Variants in SPMIP10 observed in about 807,000 individuals in gnomAD.
SPMIP10 encodes sperm microtubule inner protein 10, also known as sperm-associated microtubule inner protein 10.
chr5:126,631,831 A>T, the SPMIP10 span: 5 of 1,574,910 alleles, frequency 3.2e-6, no homozygotes, highest in Non-Finnish European at 4.4e-6. Flanking sequence ...GTAAGGATTT[A>T]TGGGATTCTG....
chr5:126,633,243 C>T, the SPMIP10 span, among the ~76,000 whole-genome samples: 1 of 151,934 alleles, frequency 6.6e-6, no homozygotes, highest in African/African-American at 2.4e-5. Context: ...CACTACAAAG[C>T]ATATATTTTT....
chr5:126,632,286 A>AAAG, the SPMIP10 span, among the ~76,000 whole-genome samples: 1 of 135,326 alleles, frequency 7.4e-6, no homozygotes, highest in Non-Finnish European at 1.6e-5. Flanking sequence ...AAAAAAAAAA[A>AAAG]GTCAGATTAA....
the SPMIP10 span, chr5:126,632,733 A>C: frequency 1.2e-6 from 1 of 848,128 alleles, no homozygotes; most frequent in Non-Finnish European, 1.9e-6. Flanking sequence ...TGTGCCAATA[A>C]TCCTAGCACT....
chr5:126,636,009 CAGA>C, the SPMIP10 span: 2 of 1,568,972 alleles, frequency 1.3e-6, no homozygotes, highest in Non-Finnish European at 8.8e-7. Context: ...ATGTGATACA[CAGA>C]AGATTTTCTT....
chr5:126,632,601 C>T, the SPMIP10 span: 28 of 1,611,866 alleles, frequency 1.7e-5, no homozygotes, highest in Admixed American at 1.2e-4. Context: ...GATCCCAAGA[C>T]GTTATGTCAT....
At chr5:126,633,327 A>G in the SPMIP10 span, among the ~76,000 whole-genome samples, 4 of 151,990 alleles carry the variant, frequency 2.6e-5, no homozygotes, top group African/African-American at 7.2e-5. Context: ...TACCCATTCA[A>G]TGCTCCTGTT....
chr5:126,632,662 C>T, the SPMIP10 span: 2 of 1,488,036 alleles, frequency 1.3e-6, no homozygotes, highest in South Asian at 1.1e-5. Context: ...AAGGTATTTC[C>T]CCATAAGCAC....
the SPMIP10 span, among the ~76,000 whole-genome samples, chr5:126,632,021 G>GT: frequency 6.6e-6 from 1 of 152,000 alleles, no homozygotes; most frequent in Non-Finnish European, 1.5e-5. Flanking sequence ...TATAGTTTCT[G>GT]TTTTTTGTGG....
chr5:126,636,062 C>G, the SPMIP10 span: 1 of 1,613,906 alleles, frequency 6.2e-7, no homozygotes, highest in Non-Finnish European at 8.5e-7. Context: ...CCATACTGGC[C>G]CTTTAGAAGA....
the SPMIP10 span, among the ~76,000 whole-genome samples, chr5:126,633,008 CAT>C: frequency 5.8e-3 from 724 of 125,202 alleles, 10 homozygotes; most frequent in Middle Eastern, 0.012. Flanking sequence ...ATAAATTTTA[CAT>C]ATATATATAT....
chr5:126,632,681 A>T, the SPMIP10 span: 1 of 1,345,674 alleles, frequency 7.4e-7, no homozygotes, highest in Non-Finnish European at 1.1e-6. Flanking sequence ...ACACATAAGG[A>T]AAAAAAACAA....
the SPMIP10 span, among the ~76,000 whole-genome samples, chr5:126,634,296 A>C: frequency 6.6e-6 from 1 of 152,038 alleles, no homozygotes; most frequent in Non-Finnish European, 1.5e-5. Flanking sequence ...GCCGGGCATG[A>C]TGGCACATGC....
the SPMIP10 span, chr5:126,635,918 T>C: frequency 8.0e-5 from 70 of 874,764 alleles, no homozygotes; most frequent in Non-Finnish European, 1.2e-4. Context: ...TGTCTTGGCC[T>C]CCCAAATTGC....
the SPMIP10 span, chr5:126,632,643 G>A: frequency 6.3e-7 from 1 of 1,583,180 alleles, no homozygotes; most frequent in Non-Finnish European, 8.7e-7. Flanking sequence ...ATTCAGGAAT[G>A]TGAATCTGAA....
At chr5:126,635,291 A>T in the SPMIP10 span, among the ~76,000 whole-genome samples, 1 of 151,974 alleles carries the variant, frequency 6.6e-6, no homozygotes, top group South Asian at 2.1e-4. Context: ...TGTGTATTTA[A>T]GTTAATAACT....
the SPMIP10 span, among the ~76,000 whole-genome samples, chr5:126,633,181 A>G: frequency 6.6e-6 from 1 of 151,948 alleles, no homozygotes; most frequent in East Asian, 1.9e-4. Flanking sequence ...ACATCATGCT[A>G]TCTTGCAGTT....
chr5:126,635,979 T>C, the SPMIP10 span: 1 of 1,461,858 alleles, frequency 6.8e-7, no homozygotes, highest in South Asian at 1.2e-5. Flanking sequence ...CTTCTTAATC[T>C]AACAAGAAAA....
chr5:126,633,188 AGTT>A, the SPMIP10 span, among the ~76,000 whole-genome samples: 2 of 151,982 alleles, frequency 1.3e-5, no homozygotes, highest in African/African-American at 4.8e-5. Flanking sequence ...GCTATCTTGC[AGTT>A]GTTAAACTCA....
At chr5:126,631,855 G>T in the SPMIP10 span, 2 of 1,377,592 alleles carry the variant, frequency 1.5e-6, no homozygotes, top group Non-Finnish European at 2.1e-6. Context: ...TTTTTTGTTT[G>T]CTTGTTTTGC....
Sources: gnomAD v4.1 joint callset for allele counts (sites outside exome capture counted in the v4.1 genomes callset) on GRCh38, gnomAD v4.1.1 for gene constraint, MANE v1.5 for transcripts, NCBI Gene and HGNC (gene_info 2026-07-23, HGNC 2026-07-21) for gene names.